The following PKNOX2 variants were observed in gnomAD, a reference collection of about 807,000 sequenced individuals.
PKNOX2 encodes the protein homeobox protein PKNOX2.
In PKNOX2, 14 loss-of-function variants were observed where a neutral mutation model predicts 53.1. The observed-to-expected ratio is 0.26, with a 90% CI of 0.17 to 0.41. The LOEUF is 0.41. Among genes scored for constraint, PKNOX2 ranks in the 10% least tolerant of loss-of-function variants. The pLI is 1.00. For missense variants in PKNOX2, 496 were observed against 602.8 expected, an observed-to-expected ratio of 0.82 and a Z score of 1.85; for synonymous variants, 257 against 242.8, an observed-to-expected ratio of 1.06 and a Z score of -0.54.
chr11:125,192,650 A>G (rs1015637604), intron 1 of PKNOX2, among the ~76,000 whole-genome samples: 1 of 152,160 alleles, frequency 6.6e-6, no homozygotes, highest in Non-Finnish European at 1.5e-5. Flanking sequence ...ACATTTTCTT[A>G]ATTCTTTCAG....
rs535662025 is a variant in PKNOX2 at position 125,263,713 on chromosome 11, C to G, written c.-130+28598C>G. On this transcript the variant is annotated intron_variant, in intron 2 of 12. Coordinates refer to ENST00000298282, the MANE Select transcript of PKNOX2 (RefSeq NM_001382323.2). ...GGTCTTCGCACGGAGGGCGTGGAGC[C>G]GAGGATGAGCCATGCAGACTCTTCC... Among the ~76,000 whole-genome samples, 345 of 152,322 alleles carry G rather than the reference C, an allele frequency of 2.3e-3. 1 individual carries two copies. Among genetic ancestry groups the G allele is most frequent in the South Asian group, 9.1e-3 (44 of 4,828 alleles).
chr11:125,271,039 T>G (rs1377463933), intron 2 of PKNOX2, among the ~76,000 whole-genome samples: 1 of 152,204 alleles, frequency 6.6e-6, no homozygotes, highest in Non-Finnish European at 1.5e-5. Context: ...GACTAACCCC[T>G]GTGACTCAAC....
At chr11:125,310,587 C>T (rs1176751901) in intron 2 of PKNOX2, among the ~76,000 whole-genome samples, 1 of 152,056 alleles carries the variant, frequency 6.6e-6, no homozygotes, top group Non-Finnish European at 1.5e-5. Flanking sequence ...TGTTACATAG[C>T]TTCCAGAACC....
intron 1 of PKNOX2, among the ~76,000 whole-genome samples, chr11:125,189,437 GTGTGTGTGTGTATATATATATATA>G (rs1300519341): frequency 1.7e-3 from 100 of 57,260 alleles, no homozygotes; most frequent in Middle Eastern, 7.5e-3. Flanking sequence ...GTGTGTGTGT[GTGTGTGTGTGTATATATATATATA>G]TATATATATA....
intron 1 of PKNOX2, among the ~76,000 whole-genome samples, chr11:125,178,652 A>AGGAAGGAC (rs1955923491): frequency 9.2e-6 from 1 of 108,390 alleles, no homozygotes; most frequent in African/African-American, 6.2e-5. Flanking sequence ...GAAAGAAGGA[A>AGGAAGGAC]GGAAGGAAGG....
At chr11:125,287,965 G>C (rs963977082) in intron 2 of PKNOX2, 5 of 152,312 alleles carry the variant, frequency 3.3e-5, no homozygotes, top group African/African-American at 7.2e-5. Context: ...CCAGGGGGCA[G>C]AGGGTTGCTC....
intron 10 of PKNOX2, among the ~76,000 whole-genome samples, chr11:125,427,621 G>C (rs1956495265): frequency 2.6e-5 from 4 of 152,106 alleles, no homozygotes; most frequent in Admixed American, 2.6e-4. Flanking sequence ...TGACGTGCCT[G>C]AGATTTCATA....
chr11:125,326,992 G>A (rs974822164), intron 2 of PKNOX2, among the ~76,000 whole-genome samples: 1 of 152,194 alleles, frequency 6.6e-6, no homozygotes, highest in Admixed American at 6.5e-5. Context: ...CCGCACTCAC[G>A]GAAGAAGAGG....
intron 2 of PKNOX2, among the ~76,000 whole-genome samples, chr11:125,250,176 G>C (rs1385606659): frequency 1.3e-5 from 2 of 151,404 alleles, no homozygotes; most frequent in African/African-American, 4.9e-5. Flanking sequence ...TCAACCTCCT[G>C]AGTAGCTGGG....
At chr11:125,386,907 G>T (rs1157451144) in intron 6 of PKNOX2, among the ~76,000 whole-genome samples, 2 of 152,140 alleles carry the variant, frequency 1.3e-5, no homozygotes, top group African/African-American at 4.8e-5. Flanking sequence ...GAAGTGTCAT[G>T]ATGGGTGGAG....
rs1313176462 is a variant in PKNOX2, at chr11:125,428,996, C to T, written c.937-16C>T. ...GCATATGCCCAGCCCTCACTAGTCT[C>T]CACCTCTCGTTTCAGCACCCCTACC... On this transcript the variant is annotated splice_polypyrimidine_tract_variant and intron_variant, in intron 10 of 12. Transcript: ENST00000298282. The T allele has an allele frequency of 6.2e-7, 1 of 1,608,178 alleles. No homozygotes were observed. Among genetic ancestry groups the T allele is most frequent in the East Asian group, 2.2e-5 (1 of 44,842 alleles).
intron 2 of PKNOX2, among the ~76,000 whole-genome samples, chr11:125,281,844 G>A (rs928409399): frequency 1.3e-5 from 2 of 152,178 alleles, no homozygotes; most frequent in African/African-American, 2.4e-5. Context: ...GTTATCCAGG[G>A]AAGAATTTTA....
At chr11:125,430,235 C>T in intron 12 of PKNOX2, 94 bp downstream of exon 12, 1 of 1,412,194 alleles carries the variant, frequency 7.1e-7, no homozygotes, top group Non-Finnish European at 9.5e-7. Flanking sequence ...AGGGCTATCT[C>T]CTTACCTGGG....
At chr11:125,399,108 G>A (rs1954584356) in intron 7 of PKNOX2, among the ~76,000 whole-genome samples, 1 of 152,222 alleles carries the variant, frequency 6.6e-6, no homozygotes, top group South Asian at 2.1e-4. Flanking sequence ...TTGACAACAA[G>A]CACAAAAGAT....
intron 1 of PKNOX2, among the ~76,000 whole-genome samples, chr11:125,171,740 C>T (rs533779008): frequency 5.3e-5 from 8 of 152,348 alleles, no homozygotes; most frequent in East Asian, 3.9e-4. Flanking sequence ...CTTCAACCAG[C>T]GTTGCACAAA....
intron 1 of PKNOX2, among the ~76,000 whole-genome samples, chr11:125,205,031 T>C (rs1938918774): frequency 6.6e-6 from 1 of 152,242 alleles, no homozygotes; most frequent in Admixed American, 6.5e-5. Flanking sequence ...ACTCTTGCTG[T>C]TGCTGCTGTA....
chr11:125,404,973 G>A (rs763330244), intron 7 of PKNOX2, among the ~76,000 whole-genome samples: 4 of 152,212 alleles, frequency 2.6e-5, no homozygotes, highest in Non-Finnish European at 5.9e-5. Context: ...CCCGAGCCCA[G>A]GCAGGGGAGC....
Position 125,398,046 on chromosome 11 carries a change from T to C in PKNOX2, c.572T>C (p.Ile191Thr), listed in dbSNP as rs1368413894. 6.2e-7 allele frequency: 1 copy of C among 1,611,744 alleles called. No homozygotes were observed. Among genetic ancestry groups the C allele is most frequent in the East Asian group, 2.2e-5 (1 of 44,874 alleles). Residue 191 changes from isoleucine to threonine, a missense_variant, in exon 7 of 13, where the codon ATC (isoleucine) becomes ACC (threonine). By Grantham distance (89) the Ile-to-Thr change is moderately conservative (BLOSUM62 -1). Transcript: ENST00000298282. ...CCCTACTCCCCCAACCAGCCCTCCA[T>C]CAACCTTCACTCACAGGTAACACCC... Reference protein sequence around the residue: ...GGPYSPNQPSINLHSQDLLQN... With the variant: ...GGPYSPNQPSTNLHSQDLLQN...
rs1303370529 is a variant in PKNOX2, at chr11:125,370,504, C to T, written c.227+2519C>T. 2.0e-5 allele frequency among the ~76,000 whole-genome samples: 3 copies of T among 152,242 alleles called. No individual in the cohort carries two copies. Among genetic ancestry groups the T allele is most frequent in the Admixed American group, 1.3e-4 (2 of 15,284 alleles). The stretch of plus-strand genomic sequence containing the variant: ...TCCCACCGGGCTAACCACCCGCAAC[C>T]CTTGGTGTTTGCCCAAAGTATGTCT... On this transcript the variant is annotated intron_variant, in intron 5 of 12. Coordinates refer to ENST00000298282, the MANE Select transcript of PKNOX2 (RefSeq NM_001382323.2). This position sits in a 1 kb window ranked among gnomAD's most constrained non-coding sequence, Gnocchi z 4.1.
Sources: gnomAD v4.1 joint callset for allele counts (sites outside exome capture counted in the v4.1 genomes callset) on GRCh38, gnomAD v4.1.1 for gene constraint, Gnocchi (gnomAD v3.1) non-coding constraint, MANE v1.5 for transcripts, NCBI Gene and HGNC (gene_info 2026-07-23, HGNC 2026-07-21) for gene names.